The following ATP10B variants were observed in gnomAD, a reference collection of about 807,000 sequenced individuals.
The protein encoded by ATP10B is phospholipid-transporting ATPase VB.
Under a neutral mutation model 141.2 loss-of-function variants are expected in ATP10B, and 122 were observed. That is an observed-to-expected ratio of 0.86 (90% CI 0.75 to 1.00). The LOEUF (loss-of-function observed/expected upper bound fraction) is 1.00, where lower values mean the gene tolerates loss of function less well. ATP10B is among the 50% of genes least tolerant of loss of function. The pLI is 0.00. For missense variants in ATP10B, 1,876 were observed against 1,825.3 expected, an observed-to-expected ratio of 1.03 and a Z score of -0.51; for synonymous variants, 685 against 692.0, an observed-to-expected ratio of 0.99 and a Z score of 0.16.
chr5:160,819,023 T>C (rs1030978558), intron 1 of ATP10B, among the ~76,000 whole-genome samples: 1 of 152,090 alleles, frequency 6.6e-6, no homozygotes, highest in African/African-American at 2.4e-5. Context: ...TGGGGACGGA[T>C]AGCATTAGGA....
intron 1 of ATP10B, among the ~76,000 whole-genome samples, chr5:160,797,936 A>G (rs931284878): frequency 6.4e-5 from 7 of 110,126 alleles, no homozygotes; most frequent in South Asian, 6.3e-4. Context: ...CAAAGAAAAG[A>G]AAAGAAAAAA....
Position 160,591,420 on chromosome 5 carries a change from A to G in ATP10B, c.3565-281T>C, listed in dbSNP as rs558914632. Reference sequence around the variant, plus strand: ...ACAGCCTATCTCCTTGGGGTTCAAGAGGAGTAAATGCAATTGTGCCTACCT... The same window carrying G: ...ACAGCCTATCTCCTTGGGGTTCAAGGGGAGTAAATGCAATTGTGCCTACCT... On this transcript the variant is annotated intron_variant, in intron 22 of 25. Transcript: ENST00000327245. Among the ~76,000 whole-genome samples, 4 of 152,346 alleles carry G rather than the reference A, an allele frequency of 2.6e-5. 1 individual carries two copies. The highest frequency in any genetic ancestry group is 9.6e-5 in the African/African-American group (4 of 41,588).
intron 7 of ATP10B, among the ~76,000 whole-genome samples, chr5:160,669,744 T>C (rs1443185438): frequency 6.6e-6 from 1 of 150,860 alleles, no homozygotes; most frequent in Non-Finnish European, 1.5e-5. Context: ...GGACTACAGA[T>C]GCCTGCCATC....
the ATP10B span, among the ~76,000 whole-genome samples, chr5:160,889,671 CA>C: frequency 2.0e-5 from 3 of 152,152 alleles, no homozygotes; most frequent in Non-Finnish European, 4.4e-5. Context: ...TAAATAAAGA[CA>C]TGTGAGAATG....
chr5:160,591,521 T>C (rs1429329625), intron 22 of ATP10B, among the ~76,000 whole-genome samples: 1 of 152,216 alleles, frequency 6.6e-6, no homozygotes, highest in Admixed American at 6.5e-5. Context: ...CTTTTGCTAC[T>C]GTTGCTACAA....
At chr5:160,720,645 T>G (rs1174316055) in intron 2 of ATP10B, among the ~76,000 whole-genome samples, 1 of 152,260 alleles carries the variant, frequency 6.6e-6, no homozygotes, top group East Asian at 1.9e-4. Flanking sequence ...CACAGTTTTC[T>G]GGAAGATTCT....
intron 22 of ATP10B, among the ~76,000 whole-genome samples, chr5:160,592,951 C>T (rs1281073177): frequency 6.6e-6 from 1 of 152,224 alleles, no homozygotes; most frequent in Non-Finnish European, 1.5e-5. Flanking sequence ...CTCAAGGAGG[C>T]CTGCCTGCCT....
upstream of ATP10B, among the ~76,000 whole-genome samples, chr5:160,853,517 TC>T (rs1218362035): frequency 6.6e-6 from 1 of 152,168 alleles, no homozygotes; most frequent in Admixed American, 6.5e-5. Flanking sequence ...TAGTATATTT[TC>T]CATCACTGGT....
chr5:160,902,643 T>A, the ATP10B span, among the ~76,000 whole-genome samples: 1 of 152,200 alleles, frequency 6.6e-6, no homozygotes, highest in African/African-American at 2.4e-5. Context: ...GAACTGAGCA[T>A]GATAGAGAAA....
At chr5:160,873,773 A>C in the ATP10B span, among the ~76,000 whole-genome samples, 6 of 152,246 alleles carry the variant, frequency 3.9e-5, no homozygotes, top group Non-Finnish European at 7.3e-5. Context: ...AAGGGGTGAC[A>C]GACGGCACCA....
chr5:160,784,902 T>G (rs1771018745), intron 2 of ATP10B, among the ~76,000 whole-genome samples: 1 of 152,156 alleles, frequency 6.6e-6, no homozygotes, highest in Non-Finnish European at 1.5e-5. Flanking sequence ...TTAGTTTTGT[T>G]TATATATCCC....
chr5:160,650,097 T>C (rs1760605639), intron 7 of ATP10B, among the ~76,000 whole-genome samples: 1 of 149,214 alleles, frequency 6.7e-6, no homozygotes, highest in South Asian at 2.1e-4. Context: ...AGAGCAAGAC[T>C]CTGTCTCAAA....
At chr5:160,828,645 G>A (rs557044268) in intron 1 of ATP10B, among the ~76,000 whole-genome samples, 1 of 151,728 alleles carries the variant, frequency 6.6e-6, no homozygotes, top group South Asian at 2.1e-4. Context: ...GGAAGTCAGT[G>A]TGGCGATTCC....
intron 22 of ATP10B, among the ~76,000 whole-genome samples, chr5:160,595,006 T>C (rs912663416): frequency 6.6e-6 from 1 of 152,138 alleles, no homozygotes; most frequent in African/African-American, 2.4e-5. Flanking sequence ...TTAACAAGGA[T>C]ATCCAGGAAT....
At chr5:160,685,022 T>C (rs1356236672) in intron 6 of ATP10B, 4 of 703,446 alleles carry the variant, frequency 5.7e-6, no homozygotes, top group Admixed American at 2.0e-5. Flanking sequence ...AAATAGAGAT[T>C]GGCAAACCGG....
At chr5:160,610,056 T>G (rs1416968704) in intron 18 of ATP10B, among the ~76,000 whole-genome samples, 1 of 152,194 alleles carries the variant, frequency 6.6e-6, no homozygotes, top group Non-Finnish European at 1.5e-5. Context: ...TCTAATATGG[T>G]GGTTCCCAGT....
At chr5:160,707,941 T>C (rs1581392349) in intron 3 of ATP10B, among the ~76,000 whole-genome samples, 1 of 152,188 alleles carries the variant, frequency 6.6e-6, no homozygotes, top group African/African-American at 2.4e-5. Context: ...CCGGCTGGAA[T>C]GCCTGATGGG....
In ATP10B at chr5:160,716,933, G is replaced by A. The variant is rs10515815; in HGVS notation, c.-229C>T. ...CCTGTTAGCGGAGTCCCTTTAAGGA[G>A]GTTAGACCAGTGACCTTTGCTGTGC... On this transcript the variant is annotated 5_prime_UTR_variant, in exon 3 of 26. Transcript: ENST00000327245. 0.58 allele frequency: 572,722 copies of A among 984,604 alleles called. 169,670 individuals are homozygous for A. Among genetic ancestry groups the A allele is most frequent in the Middle Eastern group, 0.62 (1,193 of 1,912 alleles). The allele number at this position is 984,604 out of a possible 1,614,324, so 61.0% of individuals were successfully genotyped here.
At chr5:160,731,425 G>A (rs1766733354) in intron 2 of ATP10B, among the ~76,000 whole-genome samples, 1 of 152,202 alleles carries the variant, frequency 6.6e-6, no homozygotes, top group Non-Finnish European at 1.5e-5. Flanking sequence ...GAGTTTGACT[G>A]GTAGTAAGGT....
Sources: allele counts gnomAD v4.1 joint callset (sites outside exome capture counted in the v4.1 genomes callset), GRCh38; gene constraint gnomAD v4.1.1; transcripts MANE v1.5; gene names NCBI Gene and HGNC (gene_info 2026-07-23, HGNC 2026-07-21).